FAM153A: variants seen among roughly 807,000 people sequenced by gnomAD.
The protein encoded by FAM153A is protein FAM153A.
In FAM153A, 12 loss-of-function variants were observed where a neutral mutation model predicts 48.1. The observed-to-expected ratio is 0.25, with a 90% confidence interval of 0.16 to 0.40. The LOEUF is 0.40. Ranked by LOEUF, FAM153A falls within the 10% of genes least tolerant of loss-of-function variation. FAM153A has a pLI of 1.00. For synonymous variants in FAM153A, 36 were observed against 118.2 expected (o/e 0.30, Z 4.51); for missense variants, 111 against 345.8 (o/e 0.32, Z 5.38).
the FAM153A span, among the ~76,000 whole-genome samples, chr5:177,700,847 A>G: frequency 6.6e-6 from 1 of 152,004 alleles, no homozygotes; most frequent in East Asian, 1.9e-4. Context: ...ATACACAAAA[A>G]TCAGTTGTAT....
chr5:177,722,832 CT>C (rs1761360129), downstream of FAM153A: 1 of 150,860 alleles, frequency 6.6e-6, no homozygotes. Flanking sequence ...ACACGGGCAC[CT>C]TCAGGGGGCT....
At chr5:177,734,081 C>A (rs1411146795) in intron 14 of FAM153A, among the ~76,000 whole-genome samples, 1 of 118,388 alleles carries the variant, frequency 8.4e-6, no homozygotes, top group East Asian at 3.0e-4. Context: ...GTACGGAAAC[C>A]CACACACACA....
downstream of FAM153A, among the ~76,000 whole-genome samples, chr5:177,719,587 T>TTC (rs1760705226): frequency 7.0e-6 from 1 of 142,022 alleles, no homozygotes; most frequent in Admixed American, 7.0e-5. Context: ...TATTTTTTTT[T>TTC]CGAGGTGGAG....
chr5:177,759,142 T>C (rs1328288879), intron 1 of FAM153A, among the ~76,000 whole-genome samples: 2 of 151,622 alleles, frequency 1.3e-5, no homozygotes, highest in Non-Finnish European at 2.9e-5. Context: ...ACAACCCCAT[T>C]AAGAAGTGGG....
At chr5:177,755,352 T>C (rs1191104869), upstream of FAM153A, among the ~76,000 whole-genome samples, 4 of 151,828 alleles carry the variant, frequency 2.6e-5, no homozygotes, top group Non-Finnish European at 5.9e-5. Flanking sequence ...ACCAAATCTA[T>C]GTCTGATTGG....
downstream of FAM153A, among the ~76,000 whole-genome samples, chr5:177,710,165 T>C (rs1582119725): frequency 6.7e-6 from 1 of 149,560 alleles, no homozygotes; most frequent in African/African-American, 2.5e-5. Flanking sequence ...CAGGCTGGAG[T>C]GCAATAGCAT....
downstream of FAM153A, among the ~76,000 whole-genome samples, chr5:177,709,679 T>G (rs1036806261): frequency 2.6e-4 from 37 of 142,626 alleles, no homozygotes; most frequent in East Asian, 4.0e-4. Context: ...TTTTTGTTTT[T>G]TTTTTTTTTT....
At chr5:177,749,840 C>T (rs562284265) in intron 2 of FAM153A, among the ~76,000 whole-genome samples, 1,730 of 140,238 alleles carry the variant, frequency 0.012, 40 homozygotes, top group African/African-American at 0.042. Flanking sequence ...CTGGTGAATT[C>T]TGCCTAACAC....
chr5:177,759,681 G>C (rs1288612953), intron 1 of FAM153A, among the ~76,000 whole-genome samples: 2 of 151,376 alleles, frequency 1.3e-5, no homozygotes, highest in Non-Finnish European at 2.9e-5. Context: ...GGATGAAGCT[G>C]GAAACCATCA....
At chr5:177,781,964 G>T (rs1431763238), upstream of FAM153A, among the ~76,000 whole-genome samples, 1 of 65,942 alleles carries the variant, frequency 1.5e-5, no homozygotes, top group Non-Finnish European at 3.2e-5. Flanking sequence ...CTCTTGACCT[G>T]GTGATCCGCC....
At chr5:177,706,139 T>C (rs1241484469), downstream of FAM153A, among the ~76,000 whole-genome samples, 4 of 151,714 alleles carry the variant, frequency 2.6e-5, no homozygotes, top group African/African-American at 7.3e-5. Context: ...AAACCCAATA[T>C]AGTCAAAATA....
the FAM153A span, among the ~76,000 whole-genome samples, chr5:177,696,319 C>T: frequency 1.2e-4 from 18 of 144,130 alleles, no homozygotes; most frequent in East Asian, 8.6e-4. Flanking sequence ...CGGGCAGAGG[C>T]GCTCCTCACT....
chr5:177,711,020 G>T (rs1285038104), downstream of FAM153A: 1 of 151,734 alleles, frequency 6.6e-6, no homozygotes, highest in East Asian at 1.9e-4. Flanking sequence ...GGGTACATCT[G>T]AGAAAAGAAA....
At chr5:177,704,875 C>T (rs1582089811), downstream of FAM153A, among the ~76,000 whole-genome samples, 1 of 151,138 alleles carries the variant, frequency 6.6e-6, no homozygotes, top group East Asian at 1.9e-4. Flanking sequence ...TGGCGCTCAC[C>T]TGTAGTCACA....
At chr5:177,702,203 T>C in the FAM153A span, among the ~76,000 whole-genome samples, 1,986 of 151,908 alleles carry the variant, frequency 0.013, 101 homozygotes, top group African/African-American at 0.046. Context: ...CCACCGCGCC[T>C]GGCCAAAGGT....
At chr5:177,760,256 AG>A (rs1768199710) in intron 1 of FAM153A, among the ~76,000 whole-genome samples, 1 of 25,264 alleles carries the variant, frequency 4.0e-5, no homozygotes, top group African/African-American at 1.6e-4. Flanking sequence ...TTTTTTTTTG[AG>A]ATGGAGTCTT....
intron 19 of FAM153A, 71 bp from the exon 22 acceptor site, chr5:177,724,433 T>G: frequency 1.2e-6 from 2 of 1,609,880 alleles, no homozygotes; most frequent in Non-Finnish European, 1.7e-6. Context: ...GTGAAGGCGG[T>G]GTCCAGAGCA....
At chr5:177,717,480 T>C (rs1053383275), downstream of FAM153A, among the ~76,000 whole-genome samples, 1 of 151,284 alleles carries the variant, frequency 6.6e-6, no homozygotes, top group East Asian at 1.9e-4. Context: ...GCTTCGGCAA[T>C]GATGCTGAAA....
At chr5:177,755,761 A>T (rs1250099773), upstream of FAM153A, among the ~76,000 whole-genome samples, 5 of 151,040 alleles carry the variant, frequency 3.3e-5, no homozygotes, top group African/African-American at 1.2e-4. Context: ...GGAGAAATAA[A>T]ATCCTTTACA....
Sources: gnomAD v4.1 joint callset for allele counts (sites outside exome capture counted in the v4.1 genomes callset) on GRCh38, gnomAD v4.1.1 for gene constraint, MANE v1.5 for transcripts, NCBI Gene and HGNC (gene_info 2026-07-23, HGNC 2026-07-21) for gene names.